GLIS3: variants seen among roughly 807,000 people sequenced by gnomAD.
The protein encoded by GLIS3 is zinc finger protein GLIS3.
Under a neutral mutation model 78.6 loss-of-function variants are expected in GLIS3, and 53 were observed. That is an observed-to-expected ratio of 0.67 (90% CI 0.54 to 0.85). The LOEUF (loss-of-function observed/expected upper bound fraction) is 0.85, where lower values mean the gene tolerates loss of function less well. GLIS3 is among the 40% of genes least tolerant of loss of function. The pLI is 0.00. For missense variants in GLIS3, 1,703 were observed against 1,231.1 expected (o/e 1.38, Z -5.74); for synonymous variants, 684 against 509.9 (o/e 1.34, Z -4.60).
chr9:4,066,203 A>G (rs1827084216), intron 4 of GLIS3, among the ~76,000 whole-genome samples: 1 of 152,194 alleles, frequency 6.6e-6, no homozygotes, highest in Non-Finnish European at 1.5e-5. Flanking sequence ...GGCTAACCCT[A>G]TCTGTAACAC....
the GLIS3 span, among the ~76,000 whole-genome samples, chr9:4,450,331 A>C: frequency 6.6e-6 from 1 of 152,242 alleles, no homozygotes; most frequent in African/African-American, 2.4e-5. Flanking sequence ...AAAGCCTCCA[A>C]GAAATATGGG....
the GLIS3 span, among the ~76,000 whole-genome samples, chr9:4,373,883 G>C: frequency 6.6e-6 from 1 of 152,014 alleles, no homozygotes; most frequent in African/African-American, 2.4e-5. Context: ...GGCTAGGCTG[G>C]TCTCAAATTC....
intron 2 of GLIS3, among the ~76,000 whole-genome samples, chr9:4,345,691 G>C (rs529433799): frequency 6.6e-6 from 1 of 152,140 alleles, no homozygotes; most frequent in African/African-American, 2.4e-5. Flanking sequence ...TCATTTTCCA[G>C]AGTAGAATGT....
chr9:4,207,198 GAC>G (rs1210555480), intron 2 of GLIS3, among the ~76,000 whole-genome samples: 3 of 151,998 alleles, frequency 2.0e-5, no homozygotes, highest in Non-Finnish European at 4.4e-5. Context: ...CTCCCCTCCC[GAC>G]ACAGAGCAGC....
intron 2 of GLIS3, among the ~76,000 whole-genome samples, chr9:4,266,140 G>T (rs572978760): frequency 1.3e-5 from 2 of 151,664 alleles, no homozygotes; most frequent in African/African-American, 4.8e-5. Flanking sequence ...GGATGGTCTC[G>T]ATCTCCTGAC....
chr9:4,478,589 C>A, the GLIS3 span, among the ~76,000 whole-genome samples: 6 of 149,536 alleles, frequency 4.0e-5, no homozygotes, highest in Admixed American at 4.0e-4. Context: ...CCAGCCTGGG[C>A]GACAGAGATT....
intron 4 of GLIS3, among the ~76,000 whole-genome samples, chr9:3,963,953 A>G (rs943290056): frequency 6.6e-6 from 1 of 152,162 alleles, no homozygotes; most frequent in African/African-American, 2.4e-5. Context: ...TAAACTGGAC[A>G]CTTTTTCCAA....
intron 4 of GLIS3, among the ~76,000 whole-genome samples, chr9:4,099,094 G>C (rs902006255): frequency 6.6e-6 from 1 of 152,194 alleles, no homozygotes; most frequent in African/African-American, 2.4e-5. Context: ...TGGCAAGAAG[G>C]AATAAGAGGC....
intron 4 of GLIS3, among the ~76,000 whole-genome samples, chr9:4,025,925 T>A (rs1216841960): frequency 2.0e-5 from 3 of 152,076 alleles, no homozygotes; most frequent in South Asian, 2.1e-4. Context: ...TGAGAAATAA[T>A]AGAGAAAGAG....
In GLIS3 at chr9:3,919,600, T is replaced by G. The variant is rs150510374; in HGVS notation, c.1983+12760A>C. Among the ~76,000 whole-genome samples, 383 of 149,172 alleles carry G rather than the reference T, an allele frequency of 2.6e-3. 1 individual carries two copies. Among genetic ancestry groups the G allele is most frequent in the African/African-American group, 8.7e-3 (351 of 40,392 alleles). On this transcript the variant is annotated intron_variant, in intron 6 of 10. Transcript: ENST00000381971. ...CCCTCATGACACAAGTTTACCTATATAACAAACCTGCACATGTACCCCTGA... is the reference window on the plus strand; with the variant it reads ...CCCTCATGACACAAGTTTACCTATAGAACAAACCTGCACATGTACCCCTGA...
At chr9:4,064,753 C>A (rs1469606070) in intron 4 of GLIS3, among the ~76,000 whole-genome samples, 2 of 152,192 alleles carry the variant, frequency 1.3e-5, no homozygotes, top group African/African-American at 2.4e-5. Flanking sequence ...GAGACTGCGC[C>A]AGTCAGAGAG....
At chr9:4,347,687 T>C (rs945648045) in intron 1 of GLIS3, among the ~76,000 whole-genome samples, 35 of 152,222 alleles carry the variant, frequency 2.3e-4, no homozygotes, top group Admixed American at 3.9e-4. Flanking sequence ...GTAATAAACC[T>C]CACATGGTAG....
chr9:4,169,791 A>C (rs1301158751), intron 2 of GLIS3, among the ~76,000 whole-genome samples: 1 of 152,214 alleles, frequency 6.6e-6, no homozygotes, highest in Non-Finnish European at 1.5e-5. Context: ...ACATTTGGGA[A>C]ATCTGGGTAA....
intron 9 of GLIS3, among the ~76,000 whole-genome samples, chr9:3,843,077 C>T (rs767003786): frequency 5.3e-5 from 8 of 152,212 alleles, no homozygotes; most frequent in Admixed American, 1.3e-4. Context: ...AAGGTGAAAT[C>T]ATGGGACCTA....
intron 4 of GLIS3, among the ~76,000 whole-genome samples, chr9:4,097,466 A>C (rs1830047946): frequency 6.6e-6 from 1 of 152,064 alleles, no homozygotes; most frequent in African/African-American, 2.4e-5. Flanking sequence ...AGAAATCACC[A>C]GCACACCCTT....
At chr9:4,153,143 C>T (rs1324232407) in intron 2 of GLIS3, among the ~76,000 whole-genome samples, 1 of 152,188 alleles carries the variant, frequency 6.6e-6, no homozygotes, top group Non-Finnish European at 1.5e-5. Context: ...CCCCAAGGAG[C>T]AATATCATGC....
chr9:3,913,132 A>G (rs1331487730), intron 6 of GLIS3, among the ~76,000 whole-genome samples: 2 of 152,188 alleles, frequency 1.3e-5, no homozygotes, highest in Non-Finnish European at 2.9e-5. Context: ...CAGCTTAGGA[A>G]GTGTGGGGAG....
intron 4 of GLIS3, 84 bp downstream of exon 4, chr9:4,117,684 A>T: frequency 6.6e-7 from 1 of 1,523,450 alleles, no homozygotes; most frequent in Non-Finnish European, 9.1e-7. Context: ...TGCAAACTCC[A>T]TGGGCCGAGT....
chr9:4,240,953 G>A (rs1038387520), intron 2 of GLIS3, among the ~76,000 whole-genome samples: 11 of 1,358 alleles, frequency 8.1e-3, no homozygotes, highest in Non-Finnish European at 0.018. Flanking sequence ...AAATATGTAT[G>A]AGTGTGTGTG....
Sources: allele counts gnomAD v4.1 joint callset (sites outside exome capture counted in the v4.1 genomes callset), GRCh38; gene constraint gnomAD v4.1.1; transcripts MANE v1.5; gene names NCBI Gene and HGNC (gene_info 2026-07-23, HGNC 2026-07-21).